Variants in MACROD2 observed in about 807,000 individuals in gnomAD.
MACROD2 encodes ADP-ribose glycohydrolase MACROD2.
In MACROD2, 36 loss-of-function variants were observed where a neutral mutation model predicts 70.4. That is an observed-to-expected ratio of 0.51 (90% CI 0.39 to 0.68). The LOEUF (loss-of-function observed/expected upper bound fraction) is 0.68, where lower values mean the gene tolerates loss of function less well. MACROD2 is among the 30% of genes least tolerant of loss of function. The probability of loss-of-function intolerance (pLI) is 0.00; values close to 1 mark genes in which losing one functional copy is unlikely to be tolerated. For missense variants in MACROD2, 496 were observed against 538.4 expected (o/e 0.92, Z 0.78); for synonymous variants, 172 against 178.8 (o/e 0.96, Z 0.30).
At chr20:14,458,828 T>C (rs1318165249) in intron 3 of MACROD2, among the ~76,000 whole-genome samples, 2 of 152,146 alleles carry the variant, frequency 1.3e-5, no homozygotes, top group Non-Finnish European at 2.9e-5. Flanking sequence ...TTAAGTGCTT[T>C]TCAAAAGGAG....
intron 4 of MACROD2, among the ~76,000 whole-genome samples, chr20:14,509,732 C>T (rs1235058120): frequency 1.3e-5 from 2 of 151,848 alleles, no homozygotes; most frequent in Non-Finnish European, 2.9e-5. Context: ...ATCTCTGGCA[C>T]ATTATAAATA....
chr20:15,571,083 C>G (rs780180834), intron 8 of MACROD2, among the ~76,000 whole-genome samples: 1 of 152,132 alleles, frequency 6.6e-6, no homozygotes, highest in Non-Finnish European at 1.5e-5. Flanking sequence ...AGTTAAAACT[C>G]TGCTAAAGAA....
chr20:14,663,111 A>C (rs1986307111), intron 4 of MACROD2, among the ~76,000 whole-genome samples: 1 of 152,164 alleles, frequency 6.6e-6, no homozygotes, highest in Admixed American at 6.6e-5. Context: ...GACTCGATAA[A>C]GAAAATGTGG....
At chr20:14,977,500 C>CAA (rs1555859126) in intron 5 of MACROD2, among the ~76,000 whole-genome samples, 1 of 147,754 alleles carries the variant, frequency 6.8e-6, no homozygotes, top group African/African-American at 2.6e-5. Flanking sequence ...CACACACACA[C>CAA]AATTAGGGTT....
At chr20:15,901,031 G>C (rs1442924486) in intron 10 of MACROD2, among the ~76,000 whole-genome samples, 2 of 152,142 alleles carry the variant, frequency 1.3e-5, no homozygotes, top group African/African-American at 4.8e-5. Context: ...CCCCTACCTT[G>C]CTTATTAATG....
At chr20:15,406,985 T>A (rs1192925677) in intron 6 of MACROD2, among the ~76,000 whole-genome samples, 1 of 152,202 alleles carries the variant, frequency 6.6e-6, no homozygotes, top group African/African-American at 2.4e-5. Context: ...TAGTAACTTC[T>A]GAGCCTACGC....
intron 6 of MACROD2, among the ~76,000 whole-genome samples, chr20:15,332,240 A>G (rs761310391): frequency 4.6e-5 from 7 of 151,682 alleles, no homozygotes; most frequent in African/African-American, 7.3e-5. Flanking sequence ...AAAGTAATGT[A>G]TTATTTAACA....
At chr20:15,590,280 A>C (rs748107133) in intron 8 of MACROD2, among the ~76,000 whole-genome samples, 1 of 152,182 alleles carries the variant, frequency 6.6e-6, no homozygotes, top group Non-Finnish European at 1.5e-5. Flanking sequence ...TAATCTTCAT[A>C]AAAATTTGTG....
chr20:14,485,562 G>T (rs565808000), intron 3 of MACROD2, among the ~76,000 whole-genome samples: 2 of 151,908 alleles, frequency 1.3e-5, no homozygotes, highest in Non-Finnish European at 2.9e-5. Context: ...TTAGCCGGGC[G>T]TGGTGGCAGG....
At chr20:15,827,006 A>G (rs960431694) in intron 8 of MACROD2, among the ~76,000 whole-genome samples, 1 of 152,206 alleles carries the variant, frequency 6.6e-6, no homozygotes, top group African/African-American at 2.4e-5. Flanking sequence ...ATTATGGTAA[A>G]TAGTGAACTA....
At chr20:14,093,506 G>GAA (rs2054180484) in intron 3 of MACROD2, among the ~76,000 whole-genome samples, 1 of 151,954 alleles carries the variant, frequency 6.6e-6, no homozygotes, top group Non-Finnish European at 1.5e-5. Flanking sequence ...TATTTTTGTA[G>GAA]AAAAAAATTC....
At chr20:15,582,898 T>A (rs115843893) in intron 8 of MACROD2, among the ~76,000 whole-genome samples, 2,885 of 152,314 alleles carry the variant, frequency 0.019, 87 homozygotes, top group African/African-American at 0.062. Flanking sequence ...AGATATTCCT[T>A]ACTTAGTAGA....
At chr20:14,974,806 C>T (rs117448977) in intron 5 of MACROD2, among the ~76,000 whole-genome samples, 2 of 152,184 alleles carry the variant, frequency 1.3e-5, no homozygotes, top group East Asian at 3.9e-4. Context: ...CTTCTTGGGG[C>T]ACTGAGCAAG....
intron 2 of MACROD2, among the ~76,000 whole-genome samples, chr20:14,042,898 G>C (rs914695768): frequency 4.0e-5 from 6 of 150,404 alleles, no homozygotes; most frequent in African/African-American, 1.5e-4. Flanking sequence ...CCTGATACCA[G>C]TTGCAAACCC....
chr20:14,684,304 T>C (rs536012726), intron 4 of MACROD2, among the ~76,000 whole-genome samples: 1 of 152,094 alleles, frequency 6.6e-6, no homozygotes, highest in Non-Finnish European at 1.5e-5. Context: ...AAAGGTTTGG[T>C]TTTGATTTTG....
chr20:15,493,610 A>G (rs1396699240), intron 7 of MACROD2, among the ~76,000 whole-genome samples: 2 of 152,208 alleles, frequency 1.3e-5, no homozygotes, highest in African/African-American at 4.8e-5. Context: ...AGGTGAACAA[A>G]ATTAGTTTCT....
Position 14,248,584 on chromosome 20 carries a change from AAAT to A in MACROD2, c.271+162874_271+162876del, listed in dbSNP as rs368230901. Among the ~76,000 whole-genome samples, 45 of 151,936 alleles carry A rather than the reference AAAT, an allele frequency of 3.0e-4. No homozygotes were observed. The East Asian group carries it at 8.1e-3, about 27-fold the overall frequency. ...GGTGACAGAGCGAGACTCTGTCTCA[AAAT>A]AATAATAATAATAATAAATAAAATA... On this transcript the variant is annotated intron_variant, in intron 3 of 17. Transcript: ENST00000684519.
At chr20:14,655,027 G>GT (rs550870919) in intron 4 of MACROD2, among the ~76,000 whole-genome samples, 22 of 148,086 alleles carry the variant, frequency 1.5e-4, no homozygotes, top group African/African-American at 3.5e-4. Context: ...ACACAGGGTT[G>GT]TTTTTTTTTT....
intron 5 of MACROD2, among the ~76,000 whole-genome samples, chr20:15,164,270 T>C (rs1248457449): frequency 6.6e-6 from 1 of 152,134 alleles, no homozygotes; most frequent in Admixed American, 6.6e-5. Context: ...GTATTAGGTA[T>C]TATAAGAAAT....
Sources: allele counts gnomAD v4.1 joint callset (sites outside exome capture counted in the v4.1 genomes callset), GRCh38; gene constraint gnomAD v4.1.1; transcripts MANE v1.5; gene names NCBI Gene and HGNC (gene_info 2026-07-23, HGNC 2026-07-21).